SGCZ: variants seen among roughly 807,000 people sequenced by gnomAD.
SGCZ encodes zeta-sarcoglycan.
Under a neutral mutation model 41.3 loss-of-function variants are expected in SGCZ, and 40 were observed. That is an observed-to-expected ratio of 0.97 (90% confidence interval 0.75 to 1.26). SGCZ has a LOEUF of 1.26. Among genes scored for constraint, SGCZ ranks in the 50% most tolerant of loss-of-function variants. SGCZ has a pLI of 0.00. For synonymous variants in SGCZ, 206 were observed against 137.5 expected (o/e 1.50, Z -3.49); for missense variants, 552 against 369.8 (o/e 1.49, Z -4.04).
At chr8:15,055,791 C>A (rs1804681685) in intron 1 of SGCZ, among the ~76,000 whole-genome samples, 1 of 152,204 alleles carries the variant, frequency 6.6e-6, no homozygotes, top group South Asian at 2.1e-4. Context: ...AAATCCATCA[C>A]TGTCCTTGAG....
intron 1 of SGCZ, among the ~76,000 whole-genome samples, chr8:15,134,224 AG>A (rs1406961511): frequency 6.6e-6 from 1 of 152,094 alleles, no homozygotes; most frequent in Non-Finnish European, 1.5e-5. Flanking sequence ...CAGCTGGAAA[AG>A]GTTAACTTTC....
At position 14,785,479 on chromosome 8, in the gene SGCZ, C is replaced by G. The variant is rs765513126; in HGVS notation, c.40-230553G>C. Reference sequence around the variant, plus strand: ...ATGCATGGTATAACATTAAATTAGTCTCAGTGACTATCGAAAAATACCCAA... The same window carrying G: ...ATGCATGGTATAACATTAAATTAGTGTCAGTGACTATCGAAAAATACCCAA... On this transcript the variant is annotated intron_variant, in intron 1 of 7. Coordinates refer to ENST00000382080, the MANE Select transcript of SGCZ (RefSeq NM_139167.4). Among the ~76,000 whole-genome samples the G allele has an allele frequency of 3.2e-4, 48 of 152,172 alleles. No individual in the cohort carries two copies. In the Middle Eastern group the frequency reaches 0.014, roughly 43 times the overall value.
chr8:14,456,660 T>G (rs1032160727), intron 2 of SGCZ, among the ~76,000 whole-genome samples: 6 of 152,006 alleles, frequency 3.9e-5, no homozygotes, highest in Non-Finnish European at 8.8e-5. Flanking sequence ...TATAGGACAG[T>G]TGGAATGAAA....
At chr8:14,780,160 G>A (rs980477389) in intron 1 of SGCZ, among the ~76,000 whole-genome samples, 1 of 152,004 alleles carries the variant, frequency 6.6e-6, no homozygotes, top group African/African-American at 2.4e-5. Context: ...GGATCACGAG[G>A]TCAGGAGATC....
chr8:14,431,176 T>A (rs1322877969), intron 2 of SGCZ, among the ~76,000 whole-genome samples: 2 of 152,042 alleles, frequency 1.3e-5, no homozygotes, highest in Admixed American at 6.6e-5. Flanking sequence ...CTTCACATAA[T>A]GAGGAAAAAC....
intron 2 of SGCZ, among the ~76,000 whole-genome samples, chr8:14,454,538 T>TA (rs1289334937): frequency 3.3e-5 from 5 of 151,956 alleles, no homozygotes; most frequent in Non-Finnish European, 5.9e-5. Context: ...ATTAGGGAGT[T>TA]AAAAAAAGTA....
chr8:14,911,826 CATCTT>C (rs1799288243), intron 1 of SGCZ, among the ~76,000 whole-genome samples: 1 of 151,814 alleles, frequency 6.6e-6, no homozygotes, highest in Non-Finnish European at 1.5e-5. Context: ...AAACAAGACA[CATCTT>C]ATCTCTACAT....
chr8:14,799,776 T>C (rs978803875), intron 1 of SGCZ, among the ~76,000 whole-genome samples: 5 of 152,130 alleles, frequency 3.3e-5, no homozygotes, highest in African/African-American at 9.7e-5. Flanking sequence ...TCATGCCCCT[T>C]TGCCTACTTC....
intron 1 of SGCZ, among the ~76,000 whole-genome samples, chr8:15,036,494 A>G (rs1389627981): frequency 6.6e-6 from 1 of 152,102 alleles, no homozygotes; most frequent in Non-Finnish European, 1.5e-5. Context: ...TCAGTACAAC[A>G]AACCCCCATG....
At chr8:14,328,273 G>T (rs976664868) in intron 2 of SGCZ, among the ~76,000 whole-genome samples, 2 of 152,094 alleles carry the variant, frequency 1.3e-5, no homozygotes, top group Non-Finnish European at 2.9e-5. Flanking sequence ...AGTGTCTGAT[G>T]ATTTTCCTGA....
intron 1 of SGCZ, among the ~76,000 whole-genome samples, chr8:14,609,696 G>A (rs530713977): frequency 1.3e-5 from 2 of 152,216 alleles, no homozygotes; most frequent in East Asian, 3.9e-4. Flanking sequence ...CAGTCCTCTG[G>A]GTACCCAGAA....
At chr8:15,040,612 A>G (rs1194287302) in intron 1 of SGCZ, among the ~76,000 whole-genome samples, 2 of 152,042 alleles carry the variant, frequency 1.3e-5, no homozygotes, top group African/African-American at 4.8e-5. Context: ...CAAGAGCAAA[A>G]CTCTATCTCA....
intron 2 of SGCZ, among the ~76,000 whole-genome samples, chr8:14,380,511 C>T (rs111840032): frequency 0.019 from 2,934 of 152,188 alleles, 79 homozygotes; most frequent in African/African-American, 0.055. Flanking sequence ...ATTCATTTTG[C>T]CTTTTACTCT....
At chr8:14,618,371 T>G (rs959937754) in intron 1 of SGCZ, among the ~76,000 whole-genome samples, 1 of 152,160 alleles carries the variant, frequency 6.6e-6, no homozygotes, top group Non-Finnish European at 1.5e-5. Context: ...GAATTAGAAC[T>G]GGGACTCAAA....
intron 2 of SGCZ, among the ~76,000 whole-genome samples, chr8:14,336,269 C>T (rs540772801): frequency 3.3e-5 from 5 of 152,140 alleles, no homozygotes; most frequent in Admixed American, 6.5e-5. Context: ...TTCTTGGCTA[C>T]ATAGTATTCC....
In SGCZ at chr8:14,308,209, T is replaced by G. The variant is rs141525903; in HGVS notation, c.336+15894A>C. On this transcript the variant is annotated intron_variant, in intron 3 of 7. Transcript: ENST00000382080. ...CAAGAGGAGATTATACCTAAATCTT[T>G]CAATTATTTTATTAATGCAAACCAA... Among the ~76,000 whole-genome samples the G allele has an allele frequency of 6.0e-3, 914 of 152,168 alleles. 10 individuals are homozygous for G. Among genetic ancestry groups the G allele is most frequent in the African/African-American group, 0.02 (836 of 41,520 alleles).
At chr8:14,110,744 C>T (rs1005160528) in intron 5 of SGCZ, among the ~76,000 whole-genome samples, 4 of 151,998 alleles carry the variant, frequency 2.6e-5, no homozygotes, top group African/African-American at 9.7e-5. Context: ...GGTATGAAGT[C>T]TAACAGCATA....
Position 15,180,879 on chromosome 8 carries a change from T to A in SGCZ, c.39+56706A>T, listed in dbSNP as rs528692321. On this transcript the variant is annotated intron_variant, in intron 1 of 7. Transcript: ENST00000382080. ...TCCAGCCTGGGCAACAGAGCGAGAC[T>A]CCATCTCAAAAAAAAAAAAGAGAGG... Among the ~76,000 whole-genome samples the A allele has an allele frequency of 1.9e-3, 284 of 146,538 alleles. 1 individual carries two copies. Among genetic ancestry groups the A allele is most frequent in the Middle Eastern group, 3.6e-3 (1 of 276 alleles).
At chr8:14,180,551 T>A (rs192330099) in intron 4 of SGCZ, among the ~76,000 whole-genome samples, 13 of 151,168 alleles carry the variant, frequency 8.6e-5, no homozygotes, top group African/African-American at 3.2e-4. Context: ...GCAGTCTCAT[T>A]GAAGAAAAAA....
Sources: gnomAD v4.1 joint callset for allele counts (sites outside exome capture counted in the v4.1 genomes callset) on GRCh38, gnomAD v4.1.1 for gene constraint, MANE v1.5 for transcripts, NCBI Gene and HGNC (gene_info 2026-07-23, HGNC 2026-07-21) for gene names.